Variants in SLC24A2 observed in about 807,000 individuals in gnomAD.
SLC24A2 encodes the protein solute carrier family 24 member 2.
A neutral mutation model predicts 62.0 loss-of-function variants in SLC24A2; 36 were observed. That is an observed-to-expected ratio of 0.58 (90% CI 0.44 to 0.77). SLC24A2 has a LOEUF of 0.77. SLC24A2 is among the 30% of genes least tolerant of loss of function. The pLI is 0.00. For missense variants in SLC24A2, 846 were observed against 817.9 expected (o/e 1.03, Z -0.42); for synonymous variants, 358 against 294.0 (o/e 1.22, Z -2.23).
At chr9:19,811,517 C>A in the SLC24A2 span, among the ~76,000 whole-genome samples, 1 of 152,046 alleles carries the variant, frequency 6.6e-6, no homozygotes, top group African/African-American at 2.4e-5. Context: ...TTCCTGCTTT[C>A]TTTGGAATTA....
the SLC24A2 span, among the ~76,000 whole-genome samples, chr9:19,921,288 C>A: frequency 6.6e-6 from 1 of 152,020 alleles, no homozygotes; most frequent in African/African-American, 2.4e-5. Flanking sequence ...CTTTGGGAGG[C>A]CGAGGTGGGC....
the SLC24A2 span, among the ~76,000 whole-genome samples, chr9:20,051,240 G>A: frequency 5.9e-5 from 9 of 152,116 alleles, no homozygotes; most frequent in Non-Finnish European, 1.0e-4. Flanking sequence ...CAAGCAAAAC[G>A]TTTACTGAAA....
the SLC24A2 span, among the ~76,000 whole-genome samples, chr9:20,285,257 T>C: frequency 6.6e-6 from 1 of 152,174 alleles, no homozygotes; most frequent in Non-Finnish European, 1.5e-5. Flanking sequence ...GTCTGAGTGC[T>C]CCAGAGAAAC....
chr9:20,231,483 T>A, the SLC24A2 span, among the ~76,000 whole-genome samples: 2 of 152,182 alleles, frequency 1.3e-5, no homozygotes, highest in African/African-American at 4.8e-5. Context: ...GGTATTTTAT[T>A]CTCTTTGAAG....
intron 7 of SLC24A2, among the ~76,000 whole-genome samples, chr9:19,569,490 C>T (rs988133544): frequency 5.9e-5 from 9 of 152,160 alleles, no homozygotes; most frequent in Non-Finnish European, 1.2e-4. Flanking sequence ...GTTGGCAGTG[C>T]GCACAATGTC....
intron 2 of SLC24A2, among the ~76,000 whole-genome samples, chr9:19,763,331 T>C (rs745607699): frequency 6.6e-6 from 1 of 152,252 alleles, no homozygotes. Flanking sequence ...CTAATTGCCC[T>C]GGCCAGAACT....
chr9:20,262,681 A>C, the SLC24A2 span, among the ~76,000 whole-genome samples: 1 of 152,244 alleles, frequency 6.6e-6, no homozygotes, highest in Admixed American at 6.5e-5. Context: ...CAGCCTGTAT[A>C]AAATGGAAAC....
the SLC24A2 span, among the ~76,000 whole-genome samples, chr9:19,885,031 T>C: frequency 6.6e-6 from 1 of 152,220 alleles, no homozygotes; most frequent in Non-Finnish European, 1.5e-5. Flanking sequence ...TAGAATTTTT[T>C]CAGGATGCTG....
At chr9:20,060,539 A>G in the SLC24A2 span, among the ~76,000 whole-genome samples, 1 of 152,286 alleles carries the variant, frequency 6.6e-6, no homozygotes, top group Non-Finnish European at 1.5e-5. Flanking sequence ...GTAGTAAAAG[A>G]CAAAACCCAA....
the SLC24A2 span, among the ~76,000 whole-genome samples, chr9:20,179,778 T>C: frequency 2.6e-5 from 4 of 152,172 alleles, no homozygotes; most frequent in Non-Finnish European, 4.4e-5. Context: ...GAGGGTTAAG[T>C]GCAAAACTAA....
chr9:20,274,835 G>A, the SLC24A2 span, among the ~76,000 whole-genome samples: 54 of 152,096 alleles, frequency 3.6e-4, no homozygotes, highest in African/African-American at 1.3e-3. Flanking sequence ...TCTGCACTGT[G>A]GGATGAGCAT....
chr9:19,946,134 A>G, the SLC24A2 span, among the ~76,000 whole-genome samples: 2 of 152,310 alleles, frequency 1.3e-5, no homozygotes, highest in East Asian at 3.9e-4. Context: ...AATGGTTCAT[A>G]ATTGGCCATG....
the SLC24A2 span, among the ~76,000 whole-genome samples, chr9:20,129,376 CTGTT>C: frequency 6.6e-6 from 1 of 152,118 alleles, no homozygotes; most frequent in African/African-American, 2.4e-5. Flanking sequence ...CTGCTGAAAA[CTGTT>C]TGATACATTA....
At chr9:19,594,050 C>A (rs1836634168) in intron 5 of SLC24A2, among the ~76,000 whole-genome samples, 2 of 151,844 alleles carry the variant, frequency 1.3e-5, no homozygotes, top group South Asian at 4.2e-4. Context: ...ACCCTTCTTT[C>A]CTGATTTACC....
chr9:19,719,079 A>C (rs1820948655), intron 2 of SLC24A2, among the ~76,000 whole-genome samples: 1 of 152,094 alleles, frequency 6.6e-6, no homozygotes, highest in Non-Finnish European at 1.5e-5. Flanking sequence ...TAATACCACA[A>C]ATTGCAAGGC....
chr9:19,745,788 C>T (rs980470061), intron 2 of SLC24A2, among the ~76,000 whole-genome samples: 7 of 152,050 alleles, frequency 4.6e-5, no homozygotes, highest in African/African-American at 1.7e-4. Flanking sequence ...ACACAATAGG[C>T]AAAGCAAGTC....
At chr9:19,992,944 T>C in the SLC24A2 span, among the ~76,000 whole-genome samples, 2 of 152,174 alleles carry the variant, frequency 1.3e-5, no homozygotes, top group Non-Finnish European at 2.9e-5. Context: ...TACCAAAACA[T>C]CTAGTGCCAC....
Position 19,710,476 on chromosome 9 carries a change from T to C in SLC24A2, c.930+75461A>G, listed in dbSNP as rs1210459267. ...TCTACATTGAGATATAATGGACCAG[T>C]AGGTCTCGGCCAGGAATAGCTGAGA... On this transcript the variant is annotated intron_variant, in intron 2 of 10. Coordinates refer to ENST00000341998, the MANE Select transcript of SLC24A2 (RefSeq NM_020344.4). 2.6e-5 allele frequency among the ~76,000 whole-genome samples: 4 copies of C among 152,190 alleles called. No homozygotes were observed. The East Asian group carries it at 7.7e-4, about 29-fold the overall frequency.
At chr9:19,619,128 C>T (rs1243446556) in intron 4 of SLC24A2, among the ~76,000 whole-genome samples, 1 of 152,294 alleles carries the variant, frequency 6.6e-6, no homozygotes, top group Non-Finnish European at 1.5e-5. Context: ...ACACTCTCAA[C>T]GTTCTGCCAT....
Sources: gnomAD v4.1 joint callset for allele counts (sites outside exome capture counted in the v4.1 genomes callset) on GRCh38, gnomAD v4.1.1 for gene constraint, MANE v1.5 for transcripts, NCBI Gene and HGNC (gene_info 2026-07-23, HGNC 2026-07-21) for gene names.